Variants in RAB38 observed in about 807,000 individuals in gnomAD.
RAB38 encodes the protein ras-related protein Rab-38.
Under a neutral mutation model 18.4 loss-of-function variants are expected in RAB38, and 15 were observed. The observed-to-expected ratio is 0.82, with a 90% CI of 0.55 to 1.26. The LOEUF is 1.26. RAB38 is among the 50% of genes most tolerant of loss of function. The pLI is 0.00. For synonymous variants in RAB38, 101 were observed against 104.4 expected (o/e 0.97, Z 0.20); for missense variants, 294 against 267.4 (o/e 1.10, Z -0.69).
the RAB38 span, among the ~76,000 whole-genome samples, chr11:87,925,924 T>G: frequency 6.6e-6 from 1 of 151,984 alleles, no homozygotes; most frequent in Admixed American, 6.6e-5. Flanking sequence ...CATTGATACC[T>G]GCCACGCTAC....
the RAB38 span, among the ~76,000 whole-genome samples, chr11:88,048,483 G>A: frequency 2.0e-5 from 3 of 152,052 alleles, no homozygotes; most frequent in Non-Finnish European, 4.4e-5. Flanking sequence ...ACCAAGCCCA[G>A]CCTCCAACTT....
the RAB38 span, among the ~76,000 whole-genome samples, chr11:87,836,978 A>C: frequency 2.0e-5 from 3 of 152,330 alleles, no homozygotes; most frequent in African/African-American, 7.2e-5. Context: ...GAATCACACT[A>C]TGCAAATTAC....
chr11:87,878,345 A>G, the RAB38 span, among the ~76,000 whole-genome samples: 4 of 149,308 alleles, frequency 2.7e-5, no homozygotes, highest in East Asian at 2.0e-4. Context: ...CTATCTATCT[A>G]TCATCTGTCT....
the RAB38 span, among the ~76,000 whole-genome samples, chr11:88,080,842 G>A: frequency 9.1e-6 from 1 of 110,370 alleles, no homozygotes; most frequent in Non-Finnish European, 1.9e-5. Flanking sequence ...ATGGAAGGAA[G>A]GAAGGAAGGA....
In RAB38 at chr11:88,175,352, C is replaced by T. The variant is rs748770480; in HGVS notation, c.33G>A (p.Lys11=). ...CGCCCAGGTCGCCAATCACCAGCAA[C>T]TTGTACAGGTGCTCCTTGTGCGGGG... MQAPHKEHLY[K]LLVIGDLGVG... The change falls in exon 1 of 3, where the codon AAG becomes AAA. Residue 11 remains lysine (K), a synonymous_variant. Transcript: ENST00000243662. The T allele has an allele frequency of 2.0e-5, 32 of 1,614,086 alleles. No homozygotes were observed. Among genetic ancestry groups the T allele is most frequent in the African/African-American group, 6.7e-5 (5 of 74,954 alleles).
chr11:88,117,086 G>A (rs752964966), intron 2 of RAB38, among the ~76,000 whole-genome samples: 2 of 152,116 alleles, frequency 1.3e-5, no homozygotes, highest in South Asian at 2.1e-4. Flanking sequence ...CTAGGAGAGC[G>A]GACCATGAAG....
the RAB38 span, among the ~76,000 whole-genome samples, chr11:87,851,032 G>A: frequency 6.6e-6 from 1 of 152,144 alleles, no homozygotes; most frequent in Non-Finnish European, 1.5e-5. Flanking sequence ...GCCTGGGGGC[G>A]GTCCCCCGTT....
intron 1 of RAB38, among the ~76,000 whole-genome samples, chr11:88,163,224 G>C (rs190793978): frequency 2.2e-4 from 33 of 152,202 alleles, no homozygotes; most frequent in African/African-American, 7.7e-4. Flanking sequence ...ACCCTAAGAG[G>C]CTGTTACTTT....
At chr11:87,952,352 T>C in the RAB38 span, among the ~76,000 whole-genome samples, 1 of 152,326 alleles carries the variant, frequency 6.6e-6, no homozygotes, top group South Asian at 2.1e-4. Flanking sequence ...CTCTCGAAGC[T>C]AAAGGTTACA....
At chr11:88,058,033 A>C in the RAB38 span, among the ~76,000 whole-genome samples, 1 of 152,208 alleles carries the variant, frequency 6.6e-6, no homozygotes, top group Non-Finnish European at 1.5e-5. Context: ...TATTTTTGAC[A>C]GCCAAAACAA....
the RAB38 span, among the ~76,000 whole-genome samples, chr11:87,922,154 A>G: frequency 3.6e-4 from 55 of 152,088 alleles, no homozygotes; most frequent in African/African-American, 1.1e-3. Context: ...CTCCACTTCC[A>G]TCCCAAGATG....
the RAB38 span, among the ~76,000 whole-genome samples, chr11:87,887,073 G>A: frequency 2.0e-5 from 3 of 151,964 alleles, no homozygotes; most frequent in African/African-American, 7.2e-5. Context: ...GTGCTAGGTG[G>A]TGTGCTAAGT....
At chr11:87,951,416 G>C in the RAB38 span, among the ~76,000 whole-genome samples, 4 of 152,178 alleles carry the variant, frequency 2.6e-5, no homozygotes, top group South Asian at 4.2e-4. Flanking sequence ...TCTCCATCCA[G>C]CTTTGTTCTG....
At chr11:88,096,600 C>T in the RAB38 span, among the ~76,000 whole-genome samples, 2 of 151,634 alleles carry the variant, frequency 1.3e-5, no homozygotes, top group African/African-American at 4.8e-5. Context: ...CTCAACAGTG[C>T]TAAGTTGTTG....
At chr11:87,970,929 G>A in the RAB38 span, among the ~76,000 whole-genome samples, 34 of 151,968 alleles carry the variant, frequency 2.2e-4, no homozygotes, top group Non-Finnish European at 4.0e-4. Context: ...GGGACAAAAG[G>A]AGTCCCTGCG....
the RAB38 span, among the ~76,000 whole-genome samples, chr11:87,946,321 T>C: frequency 6.6e-6 from 1 of 152,166 alleles, no homozygotes; most frequent in Non-Finnish European, 1.5e-5. Context: ...TCTTCCTTGA[T>C]GTATGAGAAC....
chr11:88,171,256 G>A lies in RAB38; in HGVS notation c.202+3927C>T, dbSNP rs569460131. On this transcript the variant is annotated intron_variant, in intron 1 of 2. Transcript: ENST00000243662. ...TATTCCCATTTTACAGACAGAAAAC[G>A]AAGGCACAGAGGCTAAGTAACTCAC... is the stretch of plus-strand genomic sequence containing the variant. Among the ~76,000 whole-genome samples, 12 of 152,240 alleles carry A rather than the reference G, an allele frequency of 7.9e-5. No homozygotes were observed. The South Asian group carries it at 1.2e-3, about 16-fold the overall frequency.
At chr11:88,149,387 A>G (rs1005651290) in intron 2 of RAB38, among the ~76,000 whole-genome samples, 5 of 152,218 alleles carry the variant, frequency 3.3e-5, no homozygotes, top group African/African-American at 1.2e-4. Flanking sequence ...CATGCAAAAT[A>G]TGCCTGGCTC....
At chr11:87,818,817 G>A in the RAB38 span, among the ~76,000 whole-genome samples, 6 of 152,172 alleles carry the variant, frequency 3.9e-5, no homozygotes, top group South Asian at 1.0e-3. Flanking sequence ...GCATATATGG[G>A]TGGTCTACAA....
Sources: allele counts gnomAD v4.1 joint callset (sites outside exome capture counted in the v4.1 genomes callset), GRCh38; gene constraint gnomAD v4.1.1; transcripts MANE v1.5; gene names NCBI Gene and HGNC (gene_info 2026-07-23, HGNC 2026-07-21).